The following TMEM232 variants were observed in gnomAD, a reference collection of about 807,000 sequenced individuals.
The protein encoded by TMEM232 is transmembrane protein 232.
In TMEM232, 80 loss-of-function variants were observed where a neutral mutation model predicts 78.8. The observed-to-expected ratio is 1.01, with a 90% confidence interval of 0.85 to 1.22. TMEM232 has a LOEUF of 1.22. Among genes scored for constraint, TMEM232 ranks in the 50% most tolerant of loss-of-function variants. The pLI, the probability that TMEM232 is intolerant of heterozygous loss-of-function variation, is 0.00. For synonymous variants in TMEM232, 297 were observed against 254.3 expected (o/e 1.17, Z -1.60); for missense variants, 881 against 742.2 (o/e 1.19, Z -2.17).
At chr5:110,636,778 G>A (rs1319587039) in intron 5 of TMEM232, among the ~76,000 whole-genome samples, 1 of 152,106 alleles carries the variant, frequency 6.6e-6, no homozygotes, top group South Asian at 2.1e-4. Context: ...ATAAGTTAAT[G>A]TGTCTAATAT....
At chr5:110,565,119 G>T (rs1752763784) in intron 11 of TMEM232, among the ~76,000 whole-genome samples, 2 of 151,804 alleles carry the variant, frequency 1.3e-5, no homozygotes, top group Admixed American at 1.3e-4. Context: ...ATTTGCTGTT[G>T]AATTTTTTCT....
intron 12 of TMEM232, among the ~76,000 whole-genome samples, chr5:110,521,095 T>C (rs893150347): frequency 6.6e-6 from 1 of 152,100 alleles, no homozygotes; most frequent in Non-Finnish European, 1.5e-5. Context: ...CGTCCTAGTA[T>C]GTCTAAGGCC....
intron 12 of TMEM232, among the ~76,000 whole-genome samples, chr5:110,461,421 C>G (rs930279079): frequency 1.3e-5 from 2 of 152,068 alleles, no homozygotes; most frequent in African/African-American, 4.8e-5. Context: ...AATCCAGCAG[C>G]GGTTGGTCCA....
At chr5:110,702,900 T>C (rs1168004413) in intron 1 of TMEM232, among the ~76,000 whole-genome samples, 3 of 152,062 alleles carry the variant, frequency 2.0e-5, no homozygotes, top group Non-Finnish European at 2.9e-5. Context: ...AGACGTTACA[T>C]GTAGCTCATG....
At chr5:110,627,273 C>T (rs959930703) in intron 6 of TMEM232, among the ~76,000 whole-genome samples, 1 of 151,822 alleles carries the variant, frequency 6.6e-6, no homozygotes, top group African/African-American at 2.4e-5. Flanking sequence ...TTTAACTTTC[C>T]TGAAATTCAG....
intron 1 of TMEM232, among the ~76,000 whole-genome samples, chr5:110,676,490 C>G (rs566753211): frequency 6.6e-6 from 1 of 151,864 alleles, no homozygotes; most frequent in Non-Finnish European, 1.5e-5. Flanking sequence ...TCTGCAACTT[C>G]CGCCTCCTGG....
intron 12 of TMEM232, among the ~76,000 whole-genome samples, chr5:110,440,160 T>C (rs1758874246): frequency 6.6e-6 from 1 of 152,190 alleles, no homozygotes; most frequent in Admixed American, 6.6e-5. Flanking sequence ...GGAATAATGA[T>C]GCATATGACT....
intron 1 of TMEM232, among the ~76,000 whole-genome samples, chr5:110,688,969 T>C (rs551147183): frequency 6.6e-6 from 1 of 152,232 alleles, no homozygotes; most frequent in South Asian, 2.1e-4. Context: ...CCCTACCCCA[T>C]TTGTCGGTGT....
At chr5:110,577,982 A>G (rs1171241908) in intron 10 of TMEM232, among the ~76,000 whole-genome samples, 1 of 151,986 alleles carries the variant, frequency 6.6e-6, no homozygotes, top group Admixed American at 6.6e-5. Context: ...TCCCCATGAC[A>G]CAAGTTTACC....
At chr5:110,708,082 C>T (rs1307887356) in intron 1 of TMEM232, among the ~76,000 whole-genome samples, 2 of 152,134 alleles carry the variant, frequency 1.3e-5, no homozygotes, top group Non-Finnish European at 2.9e-5. Flanking sequence ...ATCCAGTACA[C>T]TTGCAGTTAT....
intron 11 of TMEM232, among the ~76,000 whole-genome samples, chr5:110,534,318 C>T (rs1485526809): frequency 6.6e-6 from 1 of 152,148 alleles, no homozygotes; most frequent in Non-Finnish European, 1.5e-5. Context: ...CCCTTACAGT[C>T]CTCAGTCTTC....
chr5:110,702,927 A>C (rs1225671635), intron 1 of TMEM232, among the ~76,000 whole-genome samples: 1 of 152,100 alleles, frequency 6.6e-6, no homozygotes, highest in Non-Finnish European at 1.5e-5. Flanking sequence ...GAATGTTATG[A>C]AAGCAAAAAG....
chr5:110,464,195 A>G (rs1761835167), intron 12 of TMEM232, among the ~76,000 whole-genome samples: 1 of 152,202 alleles, frequency 6.6e-6, no homozygotes, highest in African/African-American at 2.4e-5. Context: ...TTATATAGAC[A>G]CCTATAAGAG....
intron 12 of TMEM232, among the ~76,000 whole-genome samples, chr5:110,501,412 A>G (rs1192313580): frequency 2.0e-5 from 3 of 152,024 alleles, no homozygotes; most frequent in Non-Finnish European, 4.4e-5. Flanking sequence ...TATCCTTATA[A>G]TGTTATATAA....
At chr5:110,500,288 C>CAAAAAAAAAAAAAAAA in intron 12 of TMEM232, among the ~76,000 whole-genome samples, 1 of 70,730 alleles carries the variant, frequency 1.4e-5, no homozygotes, top group Non-Finnish European at 3.0e-5. Context: ...GACTCTGTCT[C>CAAAAAAAAAAAAAAAA]AAAAAAAAAA....
intron 3 of TMEM232, among the ~76,000 whole-genome samples, chr5:110,395,659 T>C (rs1755357612): frequency 6.6e-6 from 1 of 152,178 alleles, no homozygotes; most frequent in African/African-American, 2.4e-5. Context: ...TGATACTCTT[T>C]ATAGCATTCT....
chr5:110,440,150 G>A (rs942551001), intron 12 of TMEM232, among the ~76,000 whole-genome samples: 2 of 152,164 alleles, frequency 1.3e-5, no homozygotes, highest in African/African-American at 4.8e-5. Context: ...AAAGCTAGTG[G>A]GAATAATGAT....
chr5:110,418,590 G>A (rs311698), downstream of TMEM232, among the ~76,000 whole-genome samples: 41,529 of 151,658 alleles, frequency 0.27, 9,380 homozygotes, highest in African/African-American at 0.61. Flanking sequence ...TCCTTTCCAA[G>A]TCACCACTAA....
At chr5:110,685,867 T>C (rs1050526042) in intron 1 of TMEM232, among the ~76,000 whole-genome samples, 7 of 152,078 alleles carry the variant, frequency 4.6e-5, no homozygotes, top group African/African-American at 1.7e-4. Flanking sequence ...TCAAAAATAC[T>C]ACATTGAGTG....
Sources: gnomAD v4.1 joint callset for allele counts (sites outside exome capture counted in the v4.1 genomes callset) on GRCh38, gnomAD v4.1.1 for gene constraint, MANE v1.5 for transcripts, NCBI Gene and HGNC (gene_info 2026-07-23, HGNC 2026-07-21) for gene names.